Variants in SLC12A7 observed in about 807,000 individuals in gnomAD.
SLC12A7 encodes the protein solute carrier family 12 member 7.
SLC12A7 carries 100 observed loss-of-function variants against 120.6 expected under a neutral mutation model. The ratio of observed to expected loss-of-function variants is 0.83; its 90% CI spans 0.71 to 0.98. SLC12A7 has a LOEUF of 0.98. SLC12A7 is among the 50% of genes least tolerant of loss of function. The probability of loss-of-function intolerance (pLI) is 0.00; values close to 1 mark genes in which losing one functional copy is unlikely to be tolerated. For synonymous variants in SLC12A7, 760 were observed against 678.0 expected (o/e 1.12, Z -1.88); for missense variants, 1,373 against 1,548.1 (o/e 0.89, Z 1.90).
the SLC12A7 span, among the ~76,000 whole-genome samples, chr5:1,117,949 G>A: frequency 1.3e-5 from 2 of 152,176 alleles, no homozygotes; most frequent in Admixed American, 6.5e-5. The surrounding 1 kb of genome is among the most constrained non-coding windows in gnomAD (Gnocchi z 4.5). Context: ...GGTGGCAGGT[G>A]CCTGAAGTCC....
Position 1,076,588 on chromosome 5 carries a change from G to A in SLC12A7, c.1748+106C>T, listed in dbSNP as rs541967794. 2.6e-5 allele frequency: 21 copies of A among 810,294 alleles called. No homozygotes were observed. In the African/African-American group the frequency reaches 2.7e-4, roughly 10 times the overall value. 50.2% of individuals were successfully genotyped at this position (810,294 alleles called of 1,614,324 possible). The stretch of plus-strand genomic sequence containing the variant: ...GGCAGGATCCTGACTGCCCACAGCT[G>A]GCCATGCCTGTCTACTGCTTGTCCT... On this transcript the variant is annotated intron_variant, in intron 13 of 23. Coordinates refer to ENST00000264930, the MANE Select transcript of SLC12A7 (RefSeq NM_006598.3).
At chr5:1,135,837 T>G in the SLC12A7 span, among the ~76,000 whole-genome samples, 2 of 152,128 alleles carry the variant, frequency 1.3e-5, no homozygotes, top group Non-Finnish European at 2.9e-5. Context: ...TCCAAAAATA[T>G]CTTCAAGAGT....
chr5:1,061,944 T>TA (rs1246699439), intron 20 of SLC12A7, among the ~76,000 whole-genome samples: 1 of 152,038 alleles, frequency 6.6e-6, no homozygotes, highest in African/African-American at 2.4e-5. Context: ...AAACTTTTTT[T>TA]AAAAAAATAA....
chr5:1,099,340 GCA>G (rs1561103276), intron 1 of SLC12A7, among the ~76,000 whole-genome samples: 2 of 152,108 alleles, frequency 1.3e-5, no homozygotes, highest in Non-Finnish European at 2.9e-5. Context: ...CTCCTCTGGG[GCA>G]CAGACATCAA....
chr5:1,069,999 C>T (rs1364932063), intron 17 of SLC12A7, among the ~76,000 whole-genome samples: 1 of 88,678 alleles, frequency 1.1e-5, no homozygotes, highest in Non-Finnish European at 2.6e-5. Context: ...ACGCAGCCCC[C>T]AGTGAGCCCC....
intron 1 of SLC12A7, among the ~76,000 whole-genome samples, chr5:1,096,920 AGGAG>A (rs1385571455): frequency 4.5e-5 from 6 of 133,842 alleles, no homozygotes; most frequent in Non-Finnish European, 8.0e-5. Context: ...GAGGGAAGGA[AGGAG>A]GGAGGGAGGG....
intron 5 of SLC12A7, among the ~76,000 whole-genome samples, chr5:1,087,759 C>T (rs539174342): frequency 6.6e-6 from 1 of 152,226 alleles, no homozygotes; most frequent in Non-Finnish European, 1.5e-5. Flanking sequence ...GACGTGGCAG[C>T]GTCTCCGTTC....
chr5:1,136,264 AC>A, the SLC12A7 span, among the ~76,000 whole-genome samples: 2 of 149,708 alleles, frequency 1.3e-5, no homozygotes, highest in African/African-American at 5.0e-5. Flanking sequence ...AGAAATCACG[AC>A]TCCTCCTGAC....
chr5:1,142,990 A>C, the SLC12A7 span, among the ~76,000 whole-genome samples: 1 of 151,270 alleles, frequency 6.6e-6, no homozygotes, highest in South Asian at 2.2e-4. Flanking sequence ...TATTCATGGT[A>C]ACGGGGGCTG....
Position 1,085,602 on chromosome 5 carries a change from G to A in SLC12A7, c.676-129C>T, listed in dbSNP as rs556898101. The A allele has an allele frequency of 6.3e-5, 84 of 1,332,838 alleles. 1 individual carries two copies. Among genetic ancestry groups the A allele is most frequent in the African/African-American group, 5.7e-4 (39 of 68,526 alleles). The allele number at this position is 1,332,838 out of a possible 1,614,324, so 82.6% of individuals were successfully genotyped here. A position where few individuals can be genotyped will look rare whatever the true frequency, so the allele number is the denominator to read the frequency against. On this transcript the variant is annotated intron_variant, in intron 6 of 23. Coordinates refer to ENST00000264930, the MANE Select transcript of SLC12A7 (RefSeq NM_006598.3). Reference sequence around the variant, plus strand: ...GTGCCGGGGCCATCGGGACGCATCCGTGCTGGACGGAGCCCGCGGGGGTCA... The same window carrying A: ...GTGCCGGGGCCATCGGGACGCATCCATGCTGGACGGAGCCCGCGGGGGTCA...
chr5:1,125,689 C>A, the SLC12A7 span, among the ~76,000 whole-genome samples: 1 of 152,138 alleles, frequency 6.6e-6, no homozygotes, highest in Non-Finnish European at 1.5e-5. Context: ...TTTTGGGAGG[C>A]CGAGGCGAGC....
intron 1 of SLC12A7, among the ~76,000 whole-genome samples, chr5:1,108,747 C>G (rs1176784189): frequency 6.6e-6 from 1 of 152,354 alleles, no homozygotes; most frequent in Middle Eastern, 3.4e-3. Context: ...CACCCAGCAC[C>G]CGACAGGCGA....
intron 22 of SLC12A7, among the ~76,000 whole-genome samples, chr5:1,053,999 G>A (rs1003901549): frequency 7.2e-5 from 11 of 152,322 alleles, no homozygotes; most frequent in Admixed American, 2.0e-4. Flanking sequence ...CCAAGGGGCC[G>A]GAAGCTCAGG....
intron 1 of SLC12A7, among the ~76,000 whole-genome samples, chr5:1,095,754 G>A (rs1185077937): frequency 6.6e-6 from 1 of 152,248 alleles, no homozygotes. Context: ...CTGGCTGACA[G>A]GCACCAGCCG....
the SLC12A7 span, among the ~76,000 whole-genome samples, chr5:1,143,955 G>A: frequency 7.4e-4 from 113 of 151,798 alleles, no homozygotes; most frequent in African/African-American, 2.6e-3. Flanking sequence ...GCACCCTGGC[G>A]CTGGGAAACC....
chr5:1,092,696 GGCCTGCGCT>G (rs1324836154), intron 3 of SLC12A7, among the ~76,000 whole-genome samples: 1 of 152,136 alleles, frequency 6.6e-6, no homozygotes, highest in Non-Finnish European at 1.5e-5. Flanking sequence ...TTCAGAGCAG[GGCCTGCGCT>G]GCTTGGTTTC....
At chr5:1,139,807 T>C in the SLC12A7 span, among the ~76,000 whole-genome samples, 1 of 152,304 alleles carries the variant, frequency 6.6e-6, no homozygotes, top group South Asian at 2.1e-4. Flanking sequence ...CACTTCCCAG[T>C]CTAGGGCCAC....
At position 1,065,338 on chromosome 5, in the gene SLC12A7, G is replaced by C; in HGVS notation, c.2382C>G (p.Ala794=). 6.2e-7 allele frequency: 1 copy of C among 1,606,820 alleles called. No individual in the cohort carries two copies. The highest frequency in any genetic ancestry group is 8.5e-7 in the Non-Finnish European group (1 of 1,175,660). ...GGLKHNTVLM[A]WPASWKQEDN... is the part of the protein sequence containing the mutation. ...CCTCCTGCTTCCAGGATGCGGGCCA[G>C]GCCATGAGCACCGTGTTGTGCTTCA... Residue 794 remains alanine, a synonymous_variant, in exon 18 of 24, where the codon GCC becomes GCG. Transcript: ENST00000264930.
At chr5:1,100,823 C>T (rs1037738832) in intron 1 of SLC12A7, among the ~76,000 whole-genome samples, 2 of 152,252 alleles carry the variant, frequency 1.3e-5, no homozygotes, top group Non-Finnish European at 2.9e-5. Flanking sequence ...GAAACCGTCA[C>T]AGCCAAGAGG....
Sources: gnomAD v4.1 joint callset for allele counts (sites outside exome capture counted in the v4.1 genomes callset) on GRCh38, gnomAD v4.1.1 for gene constraint, Gnocchi (gnomAD v3.1) non-coding constraint, MANE v1.5 for transcripts, NCBI Gene and HGNC (gene_info 2026-07-23, HGNC 2026-07-21) for gene names.